Variants in LRRC37A2 observed in about 807,000 individuals in gnomAD.
LRRC37A2 encodes leucine-rich repeat-containing protein 37A2.
LRRC37A2 carries 9 observed loss-of-function variants against 68.8 expected under a neutral mutation model. The observed-to-expected ratio is 0.13, with a 90% confidence interval of 0.08 to 0.23. The LOEUF (loss-of-function observed/expected upper bound fraction) is 0.23, where lower values mean the gene tolerates loss of function less well. LRRC37A2 is among the 10% of genes least tolerant of loss of function. The pLI, the probability that LRRC37A2 is intolerant of heterozygous loss-of-function variation, is 1.00. For missense variants in LRRC37A2, 168 were observed against 950.4 expected (o/e 0.18, Z 10.82); for synonymous variants, 63 against 367.6 (o/e 0.17, Z 9.48).
chr17:47,001,132 G>A, the LRRC37A2 span, among the ~76,000 whole-genome samples: 30,603 of 151,966 alleles, frequency 0.2, 4,189 homozygotes, highest in East Asian at 0.61. Flanking sequence ...CTGCACTCCC[G>A]GTGTTCGGGG....
the LRRC37A2 span, chr17:47,019,788 C>T: frequency 1.8e-6 from 2 of 1,094,040 alleles, no homozygotes; most frequent in Non-Finnish European, 2.8e-6. Flanking sequence ...CACAATGGCA[C>T]CTTCACCATC....
At chr17:46,942,653 T>G in the LRRC37A2 span, among the ~76,000 whole-genome samples, 1 of 152,178 alleles carries the variant, frequency 6.6e-6, no homozygotes, top group Non-Finnish European at 1.5e-5. Context: ...AATAATTTCC[T>G]AACTGGAAGG....
the LRRC37A2 span, among the ~76,000 whole-genome samples, chr17:46,934,865 A>C: frequency 6.6e-6 from 1 of 152,310 alleles, no homozygotes; most frequent in African/African-American, 2.4e-5. Context: ...GACAGAGGCC[A>C]CCCCAGGCCT....
the LRRC37A2 span, among the ~76,000 whole-genome samples, chr17:46,714,632 C>T: frequency 6.6e-6 from 1 of 152,188 alleles, no homozygotes; most frequent in South Asian, 2.1e-4. Context: ...AAGCAAGTGC[C>T]ATGCAACAAC....
chr17:47,015,209 C>T, the LRRC37A2 span, among the ~76,000 whole-genome samples: 2 of 151,958 alleles, frequency 1.3e-5, no homozygotes, highest in South Asian at 2.1e-4. Flanking sequence ...GGTTTCACCA[C>T]GTTGGCCAGG....
the LRRC37A2 span, among the ~76,000 whole-genome samples, chr17:46,816,475 G>GCGCACA: frequency 4.6e-4 from 67 of 144,362 alleles, 1 homozygote; most frequent in East Asian, 6.6e-3. Flanking sequence ...CAGAACACAC[G>GCGCACA]CACACACACA....
chr17:46,854,340 T>G, the LRRC37A2 span, among the ~76,000 whole-genome samples: 1 of 152,242 alleles, frequency 6.6e-6, no homozygotes, highest in Non-Finnish European at 1.5e-5. Context: ...GTCATTTGCA[T>G]TTGATTATAA....
the LRRC37A2 span, among the ~76,000 whole-genome samples, chr17:46,913,654 G>A: frequency 2.0e-5 from 3 of 152,238 alleles, no homozygotes; most frequent in Non-Finnish European, 2.9e-5. Flanking sequence ...GGCCAGTACC[G>A]AGGGCTCTGT....
chr17:46,420,858 G>A, the LRRC37A2 span, among the ~76,000 whole-genome samples: 1 of 22,542 alleles, frequency 4.4e-5, no homozygotes, highest in Non-Finnish European at 1.4e-4. Flanking sequence ...GGAGTGCAGC[G>A]GCACCATCTC....
chr17:46,894,084 G>A, the LRRC37A2 span, among the ~76,000 whole-genome samples: 8 of 152,148 alleles, frequency 5.3e-5, no homozygotes, highest in African/African-American at 1.4e-4. Context: ...CTTAGGTGCC[G>A]CCCTGATTGC....
the LRRC37A2 span, among the ~76,000 whole-genome samples, chr17:47,005,068 G>A: frequency 6.6e-6 from 1 of 152,190 alleles, no homozygotes; most frequent in African/African-American, 2.4e-5. Flanking sequence ...TAATACACAA[G>A]TTCTCCAGTC....
the LRRC37A2 span, chr17:46,710,965 C>T: frequency 6.3e-7 from 1 of 1,589,006 alleles, no homozygotes; most frequent in African/African-American, 1.4e-5. Context: ...CTTAATAGGC[C>T]TTTGGCACAA....
chr17:46,999,497 C>T, the LRRC37A2 span, among the ~76,000 whole-genome samples: 106,317 of 151,918 alleles, frequency 0.7, 37,818 homozygotes, highest in Middle Eastern at 0.78. Context: ...TACAGGCACA[C>T]GCCACCATGC....
At chr17:46,817,210 G>A in the LRRC37A2 span, among the ~76,000 whole-genome samples, 6 of 152,184 alleles carry the variant, frequency 3.9e-5, no homozygotes, top group African/African-American at 1.2e-4. Flanking sequence ...CCCAAGTCTC[G>A]CTGTCTCTGC....
At chr17:46,830,154 T>G in the LRRC37A2 span, among the ~76,000 whole-genome samples, 1 of 152,096 alleles carries the variant, frequency 6.6e-6, no homozygotes. Context: ...CCCCTCATCC[T>G]CATCACCCAC....
At chr17:47,033,766 T>G in the LRRC37A2 span, among the ~76,000 whole-genome samples, 2 of 152,272 alleles carry the variant, frequency 1.3e-5, no homozygotes, top group African/African-American at 4.8e-5. Context: ...TTTTGTGAGC[T>G]ACCTTTATTC....
chr17:46,818,884 A>C, the LRRC37A2 span: 6 of 500,360 alleles, frequency 1.2e-5, no homozygotes, highest in African/African-American at 5.9e-5. Flanking sequence ...GGGCTCCGGG[A>C]AGGGCATCGC....
chr17:46,962,936 CT>C, the LRRC37A2 span, among the ~76,000 whole-genome samples: 1 of 152,178 alleles, frequency 6.6e-6, no homozygotes, highest in African/African-American at 2.4e-5. Context: ...TGATTTAATC[CT>C]TTCAAACATA....
At chr17:46,967,291 C>T in the LRRC37A2 span, among the ~76,000 whole-genome samples, 1 of 152,232 alleles carries the variant, frequency 6.6e-6, no homozygotes, top group African/African-American at 2.4e-5. Context: ...AAACAAGTCT[C>T]TTACCCTTGC....
Sources: gnomAD v4.1 joint callset for allele counts (sites outside exome capture counted in the v4.1 genomes callset) on GRCh38, gnomAD v4.1.1 for gene constraint, MANE v1.5 for transcripts, NCBI Gene and HGNC (gene_info 2026-07-23, HGNC 2026-07-21) for gene names.